Variants in SLC24A2 observed in about 807,000 individuals in gnomAD.
SLC24A2 encodes the protein solute carrier family 24 member 2.
Under a neutral mutation model 62.0 loss-of-function variants are expected in SLC24A2, and 36 were observed. That is an observed-to-expected ratio of 0.58 (90% CI 0.44 to 0.77). The LOEUF (loss-of-function observed/expected upper bound fraction) is 0.77, where lower values mean the gene tolerates loss of function less well. SLC24A2 is among the 30% of genes least tolerant of loss of function. The pLI is 0.00. For missense variants in SLC24A2, 846 were observed against 817.9 expected, an observed-to-expected ratio of 1.03 and a Z score of -0.42; for synonymous variants, 358 against 294.0, an observed-to-expected ratio of 1.22 and a Z score of -2.23.
the SLC24A2 span, among the ~76,000 whole-genome samples, chr9:19,892,069 A>G: frequency 9.2e-5 from 14 of 152,162 alleles, no homozygotes; most frequent in Non-Finnish European, 1.8e-4. Flanking sequence ...TTGTCACTCT[A>G]TGCCAACATG....
the SLC24A2 span, among the ~76,000 whole-genome samples, chr9:19,915,516 A>G: frequency 6.6e-6 from 1 of 152,104 alleles, no homozygotes; most frequent in Non-Finnish European, 1.5e-5. Flanking sequence ...CTTTTTCCAG[A>G]GCACTGCACC....
chr9:19,539,355 T>A (rs1202030165), intron 8 of SLC24A2, among the ~76,000 whole-genome samples: 1 of 149,456 alleles, frequency 6.7e-6, no homozygotes, highest in Non-Finnish European at 1.5e-5. Context: ...GCTATAAATT[T>A]CCCTCTACAC....
the SLC24A2 span, among the ~76,000 whole-genome samples, chr9:20,258,779 T>G: frequency 7.7e-6 from 1 of 129,488 alleles, no homozygotes; most frequent in East Asian, 3.1e-4. Flanking sequence ...TATCTATCTA[T>G]CTATCTATCT....
chr9:19,817,772 C>T, the SLC24A2 span, among the ~76,000 whole-genome samples: 2 of 152,038 alleles, frequency 1.3e-5, no homozygotes, highest in Non-Finnish European at 2.9e-5. Context: ...CTCTGTTGCT[C>T]AGGCTGGAGT....
At chr9:19,724,534 G>T (rs1179921848) in intron 2 of SLC24A2, among the ~76,000 whole-genome samples, 1 of 152,108 alleles carries the variant, frequency 6.6e-6, no homozygotes, top group Non-Finnish European at 1.5e-5. Context: ...GTAGAGGTTG[G>T]GAGGAGACCC....
the SLC24A2 span, among the ~76,000 whole-genome samples, chr9:20,015,289 G>A: frequency 1.3e-5 from 2 of 152,310 alleles, no homozygotes; most frequent in Admixed American, 1.3e-4. Flanking sequence ...ACCTGCATCA[G>A]CCTCACACTT....
At chr9:19,799,557 G>C in the SLC24A2 span, among the ~76,000 whole-genome samples, 2 of 152,172 alleles carry the variant, frequency 1.3e-5, no homozygotes, top group East Asian at 3.9e-4. Context: ...ATACCTGTCA[G>C]CTTAAAATCA....
the SLC24A2 span, among the ~76,000 whole-genome samples, chr9:20,045,471 G>A: frequency 5.9e-5 from 9 of 152,040 alleles, no homozygotes; most frequent in East Asian, 1.9e-4. Context: ...TCGCACTGTC[G>A]CCCGGGCTGG....
the SLC24A2 span, among the ~76,000 whole-genome samples, chr9:20,158,864 G>C: frequency 2.0e-5 from 3 of 151,518 alleles, no homozygotes; most frequent in Non-Finnish European, 4.4e-5. Context: ...AATCTATGTT[G>C]AAAGGACCCA....
the SLC24A2 span, among the ~76,000 whole-genome samples, chr9:20,088,672 C>A: frequency 6.6e-6 from 1 of 152,104 alleles, no homozygotes; most frequent in Non-Finnish European, 1.5e-5. Flanking sequence ...GGAGCAGACC[C>A]CCCCAAAGCA....
chr9:19,997,859 A>T, the SLC24A2 span, among the ~76,000 whole-genome samples: 1 of 152,144 alleles, frequency 6.6e-6, no homozygotes, highest in Non-Finnish European at 1.5e-5. Flanking sequence ...AGAAGCTCTT[A>T]TTTCCTTCTC....
the SLC24A2 span, among the ~76,000 whole-genome samples, chr9:19,975,180 T>G: frequency 6.6e-6 from 1 of 152,226 alleles, no homozygotes; most frequent in Admixed American, 6.5e-5. Flanking sequence ...CTGTGATATT[T>G]AGGCTCCAGG....
intron 2 of SLC24A2, among the ~76,000 whole-genome samples, chr9:19,753,563 A>T (rs1280225489): frequency 2.0e-5 from 3 of 152,230 alleles, no homozygotes; most frequent in African/African-American, 7.2e-5. Context: ...CTATTTTTTA[A>T]GAAATGAATT....
chr9:20,292,186 C>A, the SLC24A2 span, among the ~76,000 whole-genome samples: 1 of 152,202 alleles, frequency 6.6e-6, no homozygotes, highest in Non-Finnish European at 1.5e-5. Context: ...GGGAAACTGA[C>A]TGCAGTACCT....
the SLC24A2 span, among the ~76,000 whole-genome samples, chr9:20,241,447 C>G: frequency 2.6e-5 from 4 of 152,156 alleles, no homozygotes; most frequent in Non-Finnish European, 5.9e-5. Context: ...AGTTGTGTGA[C>G]TTTTTGAAGG....
intron 3 of SLC24A2, among the ~76,000 whole-genome samples, chr9:19,621,769 T>G (rs547855761): frequency 2.0e-5 from 3 of 152,300 alleles, no homozygotes; most frequent in East Asian, 3.9e-4. Flanking sequence ...TTGAAAAAGA[T>G]TACATCTAGA....
chr9:20,041,573 T>C, the SLC24A2 span, among the ~76,000 whole-genome samples: 37 of 152,056 alleles, frequency 2.4e-4, no homozygotes, highest in African/African-American at 8.7e-4. Flanking sequence ...TCAAAATCAG[T>C]GGTGGGGAGG....
chr9:19,673,481 C>T (rs902443000), intron 2 of SLC24A2, among the ~76,000 whole-genome samples: 4 of 151,716 alleles, frequency 2.6e-5, no homozygotes, highest in Non-Finnish European at 4.4e-5. Context: ...CACAGTCTTG[C>T]TCTGTCCTTC....
the SLC24A2 span, among the ~76,000 whole-genome samples, chr9:19,825,147 G>C: frequency 6.6e-6 from 1 of 152,136 alleles, no homozygotes; most frequent in African/African-American, 2.4e-5. Flanking sequence ...TAACATACCT[G>C]CATGTTCTGC....
Sources: allele counts gnomAD v4.1 joint callset (sites outside exome capture counted in the v4.1 genomes callset), GRCh38; gene constraint gnomAD v4.1.1; transcripts MANE v1.5; gene names NCBI Gene and HGNC (gene_info 2026-07-23, HGNC 2026-07-21).